RFTN1: variants seen among roughly 807,000 people sequenced by gnomAD.
RFTN1 encodes the protein raftlin, lipid raft linker 1.
In RFTN1, 26 loss-of-function variants were observed where a neutral mutation model predicts 46.5. The observed-to-expected ratio is 0.56, with a 90% CI of 0.41 to 0.78. The LOEUF is 0.78. Among genes scored for constraint, RFTN1 ranks in the 30% least tolerant of loss-of-function variants. The probability of loss-of-function intolerance (pLI) is 0.00; values close to 1 mark genes in which losing one functional copy is unlikely to be tolerated. For synonymous variants in RFTN1, 261 were observed against 284.2 expected, an observed-to-expected ratio of 0.92 and a Z score of 0.82; for missense variants, 693 against 718.7, an observed-to-expected ratio of 0.96 and a Z score of 0.41.
chr3:16,351,713 A>T lies in RFTN1; in HGVS notation c.1146+6219T>A, dbSNP rs779812363. On this transcript the variant is annotated intron_variant, in intron 7 of 9. Transcript: ENST00000334133. The surrounding 1 kb of genome is among the most constrained non-coding windows in gnomAD (Gnocchi z 5.4). ...AAGTTAGACCCATTATCCTAATTACATGTCTTAATTTAAATGATTTAAAAG... is the reference window on the plus strand; with the variant it reads ...AAGTTAGACCCATTATCCTAATTACTTGTCTTAATTTAAATGATTTAAAAG... Among the ~76,000 whole-genome samples the T allele has an allele frequency of 2.0e-5, 3 of 152,204 alleles. No homozygotes were observed. The highest frequency in any genetic ancestry group is 4.4e-5 in the Non-Finnish European group (3 of 68,028).
Position 16,422,754 on chromosome 3 carries a change from T to C in RFTN1, c.332+11097A>G, listed in dbSNP as rs576879988. ...CAAAGAAACAATAAAGAATCAGGAA[T>C]AGATTGGGATGTACATATAGAAATC... On this transcript the variant is annotated intron_variant, in intron 3 of 9. Coordinates refer to ENST00000334133, the MANE Select transcript of RFTN1 (RefSeq NM_015150.2). The surrounding 1 kb of genome is among the most constrained non-coding windows in gnomAD (Gnocchi z 4.6). Among the ~76,000 whole-genome samples, 3 of 152,246 alleles carry C rather than the reference T, an allele frequency of 2.0e-5. No individual in the cohort carries two copies. Among genetic ancestry groups the C allele is most frequent in the African/African-American group, 4.8e-5 (2 of 41,532 alleles).
rs1268155455 is a variant in RFTN1 at position 16,384,699 on chromosome 3, A to C, written c.442-6597T>G. ...TCAGAAACCTACTGCTAAAAAATAG[A>C]GAGCTGTGCTGTCCAATAGGTAGCC... On this transcript the variant is annotated intron_variant, in intron 4 of 9. Coordinates refer to ENST00000334133, the MANE Select transcript of RFTN1 (RefSeq NM_015150.2). The surrounding 1 kb of genome is among the most constrained non-coding windows in gnomAD (Gnocchi z 4.7). Among the ~76,000 whole-genome samples the C allele has an allele frequency of 1.3e-5, 2 of 152,236 alleles. No homozygotes were observed. The highest frequency in any genetic ancestry group is 2.9e-5 in the Non-Finnish European group (2 of 68,036).
rs2076834548 is a variant in RFTN1 at position 16,507,810 on chromosome 3, CAT to C, written c.-9+5630_-9+5631del. Among the ~76,000 whole-genome samples, 3 of 89,570 alleles carry C rather than the reference CAT, an allele frequency of 3.3e-5. No individual in the cohort carries two copies. Among genetic ancestry groups the C allele is most frequent in the African/African-American group, 1.5e-4 (3 of 19,776 alleles). The allele number at this position is 89,570 out of a possible 152,430, so 58.8% of individuals were successfully genotyped here. On this transcript the variant is annotated intron_variant, in intron 1 of 9. Transcript: ENST00000334133. The surrounding 1 kb of genome is among the most constrained non-coding windows in gnomAD (Gnocchi z 7.1). ...ATACACACAAACACACACAAACGCACATACATACATACATACACACACACACA... is the reference window on the plus strand; with the variant it reads ...ATACACACAAACACACACAAACGCACACATACATACATACACACACACACA...
chr3:16,442,370 C>G lies in RFTN1; in HGVS notation c.146-8333G>C, dbSNP rs1411949953. Reference sequence around the variant, plus strand: ...ACTCCATGTCCATTAAGCAGTTACTCTTCCCATTCCCCTCTCTCCCCGAGC... The same window carrying G: ...ACTCCATGTCCATTAAGCAGTTACTGTTCCCATTCCCCTCTCTCCCCGAGC... On this transcript the variant is annotated intron_variant, in intron 2 of 9. Transcript: ENST00000334133. The surrounding 1 kb of genome is among the most constrained non-coding windows in gnomAD (Gnocchi z 4.1). 6.6e-6 allele frequency among the ~76,000 whole-genome samples: 1 copy of G among 152,096 alleles called. No individual in the cohort carries two copies. The highest frequency in any genetic ancestry group is 1.5e-5 in the Non-Finnish European group (1 of 68,006).
intron 8 of RFTN1, 59 bp downstream of exon 8, chr3:16,326,714 A>T (rs1478697030): frequency 5.4e-6 from 7 of 1,305,350 alleles, no homozygotes; most frequent in South Asian, 4.9e-5. Context: ...CTCATTAGGA[A>T]CAGTGACTAG....
rs1160569322 is a variant in RFTN1 at position 16,507,665 on chromosome 3, C to T, written c.-9+5777G>A. Among the ~76,000 whole-genome samples the T allele has an allele frequency of 1.3e-5, 2 of 150,914 alleles. No individual in the cohort carries two copies. The highest frequency in any genetic ancestry group is 3.0e-5 in the Non-Finnish European group (2 of 67,776). On this transcript the variant is annotated intron_variant, in intron 1 of 9. Coordinates refer to ENST00000334133, the MANE Select transcript of RFTN1 (RefSeq NM_015150.2). The surrounding 1 kb of genome is among the most constrained non-coding windows in gnomAD (Gnocchi z 7.1). ...ACATCCACAAACACGCACATACATA[C>T]ACACACAATGCACATAAACACACAC...
rs1479514221 is a variant in RFTN1 at position 16,433,189 on chromosome 3, A to AT, written c.332+661_332+662insA. 6.6e-6 allele frequency among the ~76,000 whole-genome samples: 1 copy of AT among 151,078 alleles called. No individual in the cohort carries two copies. The highest frequency in any genetic ancestry group is 1.5e-5 in the Non-Finnish European group (1 of 67,892). On this transcript the variant is annotated intron_variant, in intron 3 of 9. Transcript: ENST00000334133. This position sits in a 1 kb window ranked among gnomAD's most constrained non-coding sequence, Gnocchi z 4.4. The stretch of plus-strand genomic sequence containing the variant: ...ATCCTCACTGTTTTTTTTTTTTAAA[A>AT]AAATTAATATTGTTCCTTTTGAAAG...
Position 16,450,374 on chromosome 3 carries a change from G to A in RFTN1, c.146-16337C>T, listed in dbSNP as rs1158390279. Reference sequence around the variant, plus strand: ...AGAAAGGGGAGGCTGAAGAGATAGTGTCTGGCCACATCCAGGTGCACAGAG... The same window carrying A: ...AGAAAGGGGAGGCTGAAGAGATAGTATCTGGCCACATCCAGGTGCACAGAG... On this transcript the variant is annotated intron_variant, in intron 2 of 9. Transcript: ENST00000334133. This position sits in a 1 kb window ranked among gnomAD's most constrained non-coding sequence, Gnocchi z 4.6. Among the ~76,000 whole-genome samples the A allele has an allele frequency of 1.3e-5, 2 of 152,210 alleles. No homozygotes were observed. The highest frequency in any genetic ancestry group is 2.9e-5 in the Non-Finnish European group (2 of 68,044).
chr3:16,387,463 C>T lies in RFTN1; in HGVS notation c.442-9361G>A, dbSNP rs910178756. On this transcript the variant is annotated intron_variant, in intron 4 of 9. Coordinates refer to ENST00000334133, the MANE Select transcript of RFTN1 (RefSeq NM_015150.2). This position sits in a 1 kb window ranked among gnomAD's most constrained non-coding sequence, Gnocchi z 5.2. ...GCCCTCCACTCTTTGTCCCCAGCAT[C>T]GGTGTGACCCGGTTAAGGCAAAACC... Among the ~76,000 whole-genome samples the T allele has an allele frequency of 1.3e-5, 2 of 152,108 alleles. No individual in the cohort carries two copies. Among genetic ancestry groups the T allele is most frequent in the Non-Finnish European group, 2.9e-5 (2 of 68,028 alleles).
In RFTN1 at chr3:16,345,829, TGC is replaced by T. The variant is rs1553726204; in HGVS notation, c.1146+12101_1146+12102del. On this transcript the variant is annotated intron_variant, in intron 7 of 9. Transcript: ENST00000334133. The surrounding 1 kb of genome is among the most constrained non-coding windows in gnomAD (Gnocchi z 5.2). Reference sequence around the variant, plus strand: ...GTGTGTGTGTGTGTGCGCGCGCGCGTGCGCGCACGCGCACATGTGCATGTGTA... The same window carrying T: ...GTGTGTGTGTGTGTGCGCGCGCGCGTGCGCACGCGCACATGTGCATGTGTA... 2.9e-5 allele frequency among the ~76,000 whole-genome samples: 2 copies of T among 69,824 alleles called. No homozygotes were observed. The highest frequency in any genetic ancestry group is 5.3e-5 in the African/African-American group (1 of 18,856). The allele number at this position is 69,824 out of a possible 152,430, so 45.8% of individuals were successfully genotyped here.
At chr3:16,439,315 T>C (rs538856643) in intron 2 of RFTN1, among the ~76,000 whole-genome samples, 1 of 152,244 alleles carries the variant, frequency 6.6e-6, no homozygotes, top group Non-Finnish European at 1.5e-5. Context: ...TGGATGGACA[T>C]ACCAGTTGTA....
rs1491500683 is a variant in RFTN1 at position 16,345,836 on chromosome 3, A to ACGCGCG, written c.1146+12095_1146+12096insCGCGCG. Among the ~76,000 whole-genome samples, 1 of 63,588 alleles carries ACGCGCG rather than the reference A, an allele frequency of 1.6e-5. No homozygotes were observed. Among genetic ancestry groups the ACGCGCG allele is most frequent in the African/African-American group, 4.3e-5 (1 of 23,486 alleles). The allele number at this position is 63,588 out of a possible 152,430, so 41.7% of individuals were successfully genotyped here. A position where few individuals can be genotyped will look rare whatever the true frequency, so the allele number is the denominator to read the frequency against. On this transcript the variant is annotated intron_variant, in intron 7 of 9. Coordinates refer to ENST00000334133, the MANE Select transcript of RFTN1 (RefSeq NM_015150.2). The surrounding 1 kb of genome is among the most constrained non-coding windows in gnomAD (Gnocchi z 5.2). ...TGTGTGTGCGCGCGCGCGTGCGCGC[A>ACGCGCG]CGCGCACATGTGCATGTGTATGTGT... is the stretch of plus-strand genomic sequence containing the variant.
intron 2 of RFTN1, chr3:16,434,895 A>G (rs963798241): frequency 6.6e-6 from 1 of 152,258 alleles, no homozygotes; most frequent in Non-Finnish European, 1.5e-5. Context: ...TTAAAAGTGT[A>G]AAAGGCTAAC....
Position 16,328,311 on chromosome 3 carries a change from G to A in RFTN1, c.1147-1435C>T, listed in dbSNP as rs376237487. On this transcript the variant is annotated intron_variant, in intron 7 of 9. Transcript: ENST00000334133. ...TCGGCTTAACTCAGAGGCAGCGCGC[G>A]TGACCATGGTCTGGAGTGCTCCACT... Among the ~76,000 whole-genome samples the A allele has an allele frequency of 1.2e-4, 19 of 152,342 alleles. 2 individuals are homozygous for A. Among genetic ancestry groups the A allele is most frequent in the East Asian group, 3.9e-4 (2 of 5,176 alleles).
intron 4 of RFTN1, among the ~76,000 whole-genome samples, chr3:16,403,672 A>T (rs6777213): frequency 1.3e-4 from 3 of 22,596 alleles, no homozygotes; most frequent in Non-Finnish European, 1.6e-4. Flanking sequence ...TTATGTATAT[A>T]ATATATAATA....
At position 16,337,149 on chromosome 3, in the gene RFTN1, C is replaced by G. The variant is rs914719880; in HGVS notation, c.1147-10273G>C. ...CGCCATGAGGACAGGCCCAGGCTAG[C>G]CTTCGGATGATGAGAGACCTGTGGC... On this transcript the variant is annotated intron_variant, in intron 7 of 9. Coordinates refer to ENST00000334133, the MANE Select transcript of RFTN1 (RefSeq NM_015150.2). The surrounding 1 kb of genome is among the most constrained non-coding windows in gnomAD (Gnocchi z 5.0). 8 of 152,222 alleles carry G rather than the reference C, an allele frequency of 5.3e-5. No homozygotes were observed. The highest frequency in any genetic ancestry group is 1.9e-4 in the African/African-American group (8 of 41,450). The allele number at this position is 152,222 out of a possible 1,614,324, so 9.4% of individuals were successfully genotyped here.
chr3:16,452,768 G>A lies in RFTN1; in HGVS notation c.146-18731C>T, dbSNP rs2075841371. Among the ~76,000 whole-genome samples the A allele has an allele frequency of 6.6e-6, 1 of 152,206 alleles. No homozygotes were observed. Among genetic ancestry groups the A allele is most frequent in the South Asian group, 2.1e-4 (1 of 4,824 alleles). On this transcript the variant is annotated intron_variant, in intron 2 of 9. Transcript: ENST00000334133. This position sits in a 1 kb window ranked among gnomAD's most constrained non-coding sequence, Gnocchi z 6.3. ...TAGAGATCACTGGGAGTGGAGAAAT[G>A]CAACCAAGTCAGGCCGAAGACAGTC...
intron 7 of RFTN1, among the ~76,000 whole-genome samples, chr3:16,355,723 C>G (rs1273884362): frequency 6.6e-6 from 1 of 152,244 alleles, no homozygotes; most frequent in Non-Finnish European, 1.5e-5. Flanking sequence ...AGGCCCCACC[C>G]CCGGAGGGTT....
rs2076913657 is a variant in RFTN1, at chr3:16,512,272, C to A, written c.-9+1170G>T. Among the ~76,000 whole-genome samples, 1 of 152,118 alleles carries A rather than the reference C, an allele frequency of 6.6e-6. No homozygotes were observed. The highest frequency in any genetic ancestry group is 2.4e-5 in the African/African-American group (1 of 41,412). On this transcript the variant is annotated intron_variant, in intron 1 of 9. Coordinates refer to ENST00000334133, the MANE Select transcript of RFTN1 (RefSeq NM_015150.2). This position sits in a 1 kb window ranked among gnomAD's most constrained non-coding sequence, Gnocchi z 4.3. ...CCTTCCTGGCAAGGCCTTAACTTAT[C>A]CTGAGATGACACACGATGGCAGGGG...
Sources: allele counts gnomAD v4.1 joint callset (sites outside exome capture counted in the v4.1 genomes callset), GRCh38; gene constraint gnomAD v4.1.1; non-coding constraint Gnocchi (gnomAD v3.1); transcripts MANE v1.5; gene names NCBI Gene and HGNC (gene_info 2026-07-23, HGNC 2026-07-21).